MTFMT: variants seen among roughly 807,000 people sequenced by gnomAD.
The protein encoded by MTFMT is mitochondrial methionyl-tRNA formyltransferase.
A neutral mutation model predicts 51.8 loss-of-function variants in MTFMT; 47 were observed. The observed-to-expected ratio is 0.91, with a 90% CI of 0.72 to 1.16. MTFMT has a LOEUF of 1.16. Among genes scored for constraint, MTFMT ranks in the 50% most tolerant of loss-of-function variants. MTFMT has a pLI of 0.00. For missense variants in MTFMT, 512 were observed against 482.3 expected, an observed-to-expected ratio of 1.06 and a Z score of -0.58; for synonymous variants, 196 against 176.7, an observed-to-expected ratio of 1.11 and a Z score of -0.87.
chr15:65,029,044 A>G (rs10459637), intron 1 of MTFMT, among the ~76,000 whole-genome samples: 104,958 of 151,978 alleles, frequency 0.69, 39,570 homozygotes, highest in East Asian at 0.95. Flanking sequence ...GGGCAATCGC[A>G]TAACCTCTCT....
intron 4 of MTFMT, among the ~76,000 whole-genome samples, chr15:65,020,890 C>T (rs561373245): frequency 6.6e-6 from 1 of 152,260 alleles, no homozygotes; most frequent in Non-Finnish European, 1.5e-5. Flanking sequence ...ACGGCAGTCA[C>T]TATTATAAGA....
intron 6 of MTFMT, among the ~76,000 whole-genome samples, chr15:65,008,174 A>G (rs974053792): frequency 6.6e-6 from 1 of 152,224 alleles, no homozygotes; most frequent in Non-Finnish European, 1.5e-5. Flanking sequence ...TAAGTATACC[A>G]TACAGTATTG....
intron 1 of MTFMT, chr15:65,029,189 G>T: frequency 1.2e-6 from 1 of 851,054 alleles, no homozygotes; most frequent in Non-Finnish European, 1.4e-6. Context: ...GAGGCGGCGG[G>T]GAGTGAGGGG....
At chr15:65,005,262 G>A (rs978697423) in intron 7 of MTFMT, among the ~76,000 whole-genome samples, 2 of 152,154 alleles carry the variant, frequency 1.3e-5, no homozygotes, top group Non-Finnish European at 2.9e-5. Flanking sequence ...GGATGTTTAG[G>A]ATTTAGGCTG....
Position 65,029,589 on chromosome 15 carries a change from A to G in MTFMT, c.25T>C (p.Trp9Arg). 6.8e-7 allele frequency: 1 copy of G among 1,475,868 alleles called. No individual in the cohort carries two copies. Among genetic ancestry groups the G allele is most frequent in the Non-Finnish European group, 9.0e-7 (1 of 1,112,024 alleles). 91.4% of individuals were successfully genotyped at this position (1,475,868 alleles called of 1,614,324 possible). A position where few individuals can be genotyped will look rare whatever the true frequency, so the allele number is the denominator to read the frequency against. MRVLVRRC[W>R]GPPLAHGARR... ...GCGCCATGAGCCAGCGGAGGACCCC[A>G]ACAGCGCCGCACCAACACCCTCATC... is the stretch of plus-strand genomic sequence containing the variant. Residue 9 changes from tryptophan (W) to arginine (R), a missense_variant, in exon 1 of 9, where the codon TGG becomes CGG. Physicochemically the swap from Trp to Arg is moderately radical, Grantham distance 101 (BLOSUM62 -3). Coordinates refer to ENST00000220058, the MANE Select transcript of MTFMT (RefSeq NM_139242.4).
At chr15:65,026,366 A>ATT (rs1242506616) in intron 2 of MTFMT, 5 of 214,874 alleles carry the variant, frequency 2.3e-5, no homozygotes, top group Non-Finnish European at 5.0e-5. Context: ...TTTTCCTTCG[A>ATT]ATACAGGTGA....
intron 2 of MTFMT, 41 bp from the exon 3 acceptor site, chr15:65,023,835 T>C (rs1304249768): frequency 4.5e-6 from 7 of 1,554,320 alleles, no homozygotes; most frequent in Non-Finnish European, 6.1e-6. Context: ...CAGTGGGCTT[T>C]ACCACTTCGT....
At chr15:65,027,788 G>A (rs1315251044) in intron 1 of MTFMT, among the ~76,000 whole-genome samples, 2 of 152,136 alleles carry the variant, frequency 1.3e-5, no homozygotes, top group Non-Finnish European at 2.9e-5. Flanking sequence ...GCTGTCTCTG[G>A]ATAAAGGAAC....
Position 65,023,957 on chromosome 15 carries a change from T to C in MTFMT, c.420-163A>G, listed in dbSNP as rs1374603366. 3.3e-5 allele frequency among the ~76,000 whole-genome samples: 5 copies of C among 152,334 alleles called. 1 individual carries two copies. In the South Asian group the frequency reaches 8.3e-4, roughly 25 times the overall value. ...ATCACCTGAAAGGAAAAAAGTTACA[T>C]GTAAATTCACTCTCTTACCATAAGA... is the stretch of plus-strand genomic sequence containing the variant. On this transcript the variant is annotated intron_variant, in intron 2 of 8. Transcript: ENST00000220058.
Position 65,027,022 on chromosome 15 carries a change from C to G in MTFMT, c.228G>C (p.Glu76Asp). 1 of 1,613,700 alleles carries G rather than the reference C, an allele frequency of 6.2e-7. No homozygotes were observed. Among genetic ancestry groups the G allele is most frequent in the African/African-American group, 1.3e-5 (1 of 75,016 alleles). The change falls in exon 2 of 9, where the codon GAG becomes GAC. Residue 76 changes from glutamate to aspartate, a missense_variant. Glu to Asp is a conservative substitution (Grantham distance 45). Coordinates refer to ENST00000220058, the MANE Select transcript of MTFMT (RefSeq NM_139242.4). ...LHAARENKEE[E>D]LIDKLEVVTM... ...TGACCACCTCCAGTTTGTCGATTAA[C>G]TCTTCTTCTTTGTTTTCCCTAAATT...
At chr15:65,007,733 A>G (rs2140475380) in intron 6 of MTFMT, among the ~76,000 whole-genome samples, 1 of 152,246 alleles carries the variant, frequency 6.6e-6, no homozygotes, top group South Asian at 2.1e-4. Flanking sequence ...CTTTTAATTT[A>G]TTTATCTGTA....
chr15:65,004,806 T>C (rs764914843), intron 8 of MTFMT, 48 bp downstream of exon 8: 8 of 1,310,408 alleles, frequency 6.1e-6, no homozygotes, highest in Non-Finnish European at 8.7e-6. Context: ...ATACAGACTA[T>C]AACATAGTAA....
chr15:65,003,377 C>A, intron 8 of MTFMT, 121 bp from the exon 9 acceptor site: 1 of 737,264 alleles, frequency 1.4e-6, no homozygotes, highest in East Asian at 2.7e-5. Context: ...TTACTAAATG[C>A]CTAGCTGCAA....
At position 65,003,171 on chromosome 15, in the gene MTFMT, T is replaced by TA; in HGVS notation, c.1060dup (p.Tyr354LeufsTer36). 1 of 1,613,848 alleles carries TA rather than the reference T, an allele frequency of 6.2e-7. No individual in the cohort carries two copies. The highest frequency in any genetic ancestry group is 1.3e-5 in the African/African-American group (1 of 75,032). The stretch of plus-strand genomic sequence containing the variant: ...TGGTTGAGCTTGGGAATTTTTCTGG[T>TA]ACCAGGGGTGCAAATATCCATTGTA... On this transcript the variant is annotated frameshift_variant, in exon 9 of 9. Transcript: ENST00000220058. LOFTEE classifies it high-confidence loss of function.
At chr15:65,021,371 G>A (rs561226572) in intron 4 of MTFMT, 143 bp downstream of exon 4, 1 of 627,600 alleles carries the variant, frequency 1.6e-6, no homozygotes, top group Admixed American at 2.5e-5. Context: ...CAAATGCCAG[G>A]CTAATTTTTA....
intron 5 of MTFMT, among the ~76,000 whole-genome samples, chr15:65,019,854 G>A (rs902761218): frequency 6.6e-6 from 1 of 152,050 alleles, no homozygotes; most frequent in African/African-American, 2.4e-5. Flanking sequence ...ACTTCCAAAT[G>A]AATAAGCAGA....
chr15:65,020,389 T>C lies in MTFMT; in HGVS notation c.646-117A>G, dbSNP rs968132708. On this transcript the variant is annotated intron_variant, in intron 4 of 8. Coordinates refer to ENST00000220058, the MANE Select transcript of MTFMT (RefSeq NM_139242.4). ...TATAACTTTTTTTCTTTTTCTTTTT[T>C]CAAATTAAAAAAAAAATCTTTACTA... 3 of 896,294 alleles carry C rather than the reference T, an allele frequency of 3.3e-6. No homozygotes were observed. In the African/African-American group the frequency reaches 5.2e-5, roughly 15 times the overall value. The allele number at this position is 896,294 out of a possible 1,614,324, so 55.5% of individuals were successfully genotyped here.
intron 6 of MTFMT, among the ~76,000 whole-genome samples, chr15:65,014,984 T>C (rs1343156132): frequency 6.6e-6 from 1 of 150,496 alleles, no homozygotes; most frequent in African/African-American, 2.5e-5. Context: ...CCACAACACC[T>C]GTTTCTATAG....
At chr15:65,027,157 T>A in intron 1 of MTFMT, 117 bp from the exon 2 acceptor site, 1 of 734,472 alleles carries the variant, frequency 1.4e-6, no homozygotes, top group East Asian at 2.7e-5. Flanking sequence ...TAGGGCTAAA[T>A]GATTAAAACT....
Sources: gnomAD v4.1 joint callset for allele counts (sites outside exome capture counted in the v4.1 genomes callset) on GRCh38, gnomAD v4.1.1 for gene constraint, MANE v1.5 for transcripts, NCBI Gene and HGNC (gene_info 2026-07-23, HGNC 2026-07-21) for gene names.